GABRB1: variants seen among roughly 807,000 people sequenced by gnomAD.
The protein encoded by GABRB1 is gamma-aminobutyric acid receptor subunit beta-1.
Under a neutral mutation model 51.6 loss-of-function variants are expected in GABRB1, and 17 were observed. The ratio of observed to expected loss-of-function variants is 0.33; its 90% CI spans 0.23 to 0.49. The LOEUF is 0.49. GABRB1 is among the 20% of genes least tolerant of loss of function. The pLI is 0.99. For synonymous variants in GABRB1, 247 were observed against 218.9 expected (o/e 1.13, Z -1.14); for missense variants, 410 against 600.6 (o/e 0.68, Z 3.32).
intron 3 of GABRB1, among the ~76,000 whole-genome samples, chr4:47,066,629 C>T (rs997151897): frequency 1.3e-5 from 2 of 152,172 alleles, no homozygotes; most frequent in African/African-American, 4.8e-5. Context: ...GGAAATAACT[C>T]CTCATCCATC....
chr4:47,279,485 A>C (rs1723198942), intron 4 of GABRB1, among the ~76,000 whole-genome samples: 1 of 152,166 alleles, frequency 6.6e-6, no homozygotes, highest in African/African-American at 2.4e-5. Flanking sequence ...CTTGTTGGAA[A>C]GTAAGGAAAA....
intron 4 of GABRB1, among the ~76,000 whole-genome samples, chr4:47,279,096 ATGG>A (rs1723185889): frequency 1.4e-5 from 2 of 147,746 alleles, no homozygotes; most frequent in African/African-American, 5.3e-5. Flanking sequence ...GGATGGATGG[ATGG>A]ATGGATGGAT....
intron 4 of GABRB1, among the ~76,000 whole-genome samples, chr4:47,257,507 T>G (rs184605426): frequency 5.8e-4 from 88 of 152,124 alleles, no homozygotes; most frequent in African/African-American, 2.1e-3. Context: ...ATCTCACAGT[T>G]TGACACAAGG....
chr4:47,383,440 T>C (rs979984664), intron 5 of GABRB1, among the ~76,000 whole-genome samples: 1 of 151,972 alleles, frequency 6.6e-6, no homozygotes, highest in African/African-American at 2.4e-5. Flanking sequence ...ATAAGTATCA[T>C]CTGAGAGTGA....
chr4:47,240,005 C>A (rs1476806300), intron 4 of GABRB1, among the ~76,000 whole-genome samples: 1 of 152,186 alleles, frequency 6.6e-6, no homozygotes, highest in African/African-American at 2.4e-5. Context: ...GGATTAGCAG[C>A]AGCAGCTCAG....
intron 1 of GABRB1, among the ~76,000 whole-genome samples, chr4:47,021,696 A>G (rs1209933748): frequency 6.6e-6 from 1 of 152,112 alleles, no homozygotes; most frequent in African/African-American, 2.4e-5. Flanking sequence ...TTTATCAGAA[A>G]AAGTATAGCA....
At chr4:47,253,506 T>C (rs1722070985) in intron 4 of GABRB1, among the ~76,000 whole-genome samples, 1 of 152,200 alleles carries the variant, frequency 6.6e-6, no homozygotes, top group African/African-American at 2.4e-5. Context: ...TTCTTTGTAA[T>C]GCAATTTCTC....
intron 5 of GABRB1, among the ~76,000 whole-genome samples, chr4:47,328,371 A>G (rs1327665374): frequency 6.6e-6 from 1 of 152,024 alleles, no homozygotes; most frequent in East Asian, 1.9e-4. Flanking sequence ...GGTGTTTTAG[A>G]CATGAAGTCC....
intron 4 of GABRB1, among the ~76,000 whole-genome samples, chr4:47,306,663 AT>A (rs1724483865): frequency 6.6e-6 from 1 of 152,090 alleles, no homozygotes; most frequent in Admixed American, 6.6e-5. Context: ...CACATATGTG[AT>A]TCCCTAAGAC....
intron 4 of GABRB1, among the ~76,000 whole-genome samples, chr4:47,225,261 G>C: frequency 6.6e-6 from 1 of 152,146 alleles, no homozygotes; most frequent in Non-Finnish European, 1.5e-5. Context: ...AGAGGTTTCA[G>C]GAGTCCATGC....
intron 3 of GABRB1, among the ~76,000 whole-genome samples, chr4:47,042,439 T>A (rs866850252): frequency 7.7e-4 from 110 of 142,094 alleles, no homozygotes; most frequent in African/African-American, 1.9e-3. Context: ...TATATATATA[T>A]AAAATACGTG....
At chr4:47,164,401 A>G (rs1290321310) in intron 4 of GABRB1, among the ~76,000 whole-genome samples, 1 of 152,228 alleles carries the variant, frequency 6.6e-6, no homozygotes, top group East Asian at 1.9e-4. Flanking sequence ...AAGCACACAT[A>G]TAAGAATATC....
intron 1 of GABRB1, among the ~76,000 whole-genome samples, chr4:47,002,602 C>T (rs1724262637): frequency 6.6e-6 from 1 of 151,784 alleles, no homozygotes; most frequent in South Asian, 2.1e-4. Flanking sequence ...TCTTTAAGTC[C>T]CCAATACAGA....
chr4:47,010,907 G>A (rs1246710430), intron 1 of GABRB1, among the ~76,000 whole-genome samples: 6 of 152,058 alleles, frequency 3.9e-5, no homozygotes, highest in African/African-American at 1.4e-4. Flanking sequence ...CACTAACAAA[G>A]TGTTAGTTCT....
intron 3 of GABRB1, among the ~76,000 whole-genome samples, chr4:47,036,870 G>A (rs10026984): frequency 0.01 from 1,481 of 144,672 alleles, 26 homozygotes; most frequent in African/African-American, 0.039. Flanking sequence ...TAAAAAAAAA[G>A]AAAAAAAGAA....
At chr4:47,013,938 G>A (rs566339709) in intron 1 of GABRB1, among the ~76,000 whole-genome samples, 2 of 152,116 alleles carry the variant, frequency 1.3e-5, no homozygotes, top group African/African-American at 4.8e-5. Context: ...TTTCACTATG[G>A]TTTGTGTTTT....
intron 3 of GABRB1, among the ~76,000 whole-genome samples, chr4:47,056,445 T>C (rs962498766): frequency 2.4e-4 from 36 of 152,288 alleles, no homozygotes; most frequent in Non-Finnish European, 4.6e-4. Context: ...GGTCTTAACA[T>C]GTCAAGGATT....
At chr4:47,312,176 G>A (rs1423286432) in intron 4 of GABRB1, among the ~76,000 whole-genome samples, 1 of 151,868 alleles carries the variant, frequency 6.6e-6, no homozygotes, top group East Asian at 1.9e-4. Flanking sequence ...ATATCAATAT[G>A]ACCGTTCTTT....
rs78965668 is a variant in GABRB1, at chr4:47,375,265, G to A, written c.545-28053G>A. 9.4e-3 allele frequency among the ~76,000 whole-genome samples: 1,434 copies of A among 152,326 alleles called. 22 individuals are homozygous for A. Among genetic ancestry groups the A allele is most frequent in the African/African-American group, 0.033 (1,382 of 41,562 alleles). On this transcript the variant is annotated intron_variant, in intron 5 of 8. Coordinates refer to ENST00000295454, the MANE Select transcript of GABRB1 (RefSeq NM_000812.4). The stretch of plus-strand genomic sequence containing the variant: ...TTTTAAATTAAACACTCTAATAGAT[G>A]TGAAGAAGACAGATTTGAAAGAACC...
Sources: allele counts gnomAD v4.1 joint callset (sites outside exome capture counted in the v4.1 genomes callset), GRCh38; gene constraint gnomAD v4.1.1; transcripts MANE v1.5; gene names NCBI Gene and HGNC (gene_info 2026-07-23, HGNC 2026-07-21).